The following DCLK1 variants were observed in gnomAD, a reference collection of about 807,000 sequenced individuals.
The protein encoded by DCLK1 is doublecortin like kinase 1, also known as serine/threonine-protein kinase DCLK1.
Under a neutral mutation model 86.2 loss-of-function variants are expected in DCLK1, and 16 were observed. The ratio of observed to expected loss-of-function variants is 0.19; its 90% CI spans 0.13 to 0.28. The LOEUF is 0.28. DCLK1 is among the 10% of genes least tolerant of loss of function. The pLI, the probability that DCLK1 is intolerant of heterozygous loss-of-function variation, is 1.00. For missense variants in DCLK1, 590 were observed against 940.2 expected (o/e 0.63, Z 4.87); for synonymous variants, 369 against 370.5 (o/e 1.00, Z 0.05).
intron 3 of DCLK1, among the ~76,000 whole-genome samples, chr13:36,006,501 G>C (rs951742993): frequency 2.0e-5 from 3 of 152,208 alleles, no homozygotes; most frequent in Non-Finnish European, 4.4e-5. Flanking sequence ...AGCAATTCAA[G>C]GCCCTCTTGT....
rs1374354517 is a variant in DCLK1 at position 35,810,873 on chromosome 13, G to A, written c.1650C>T (p.Thr550=). 4 of 1,613,814 alleles carry A rather than the reference G, an allele frequency of 2.5e-6. No individual in the cohort carries two copies. Among genetic ancestry groups the A allele is most frequent in the Admixed American group, 1.7e-5 (1 of 59,962 alleles). ...TGATTTCTGGAGCCACGTATGTTGGGGTGCCACAGACTGTGTACAGGGGGC... is the reference window on the plus strand; with the variant it reads ...TGATTTCTGGAGCCACGTATGTTGGAGTGCCACAGACTGTGTACAGGGGGC... ...VDGPLYTVCG[T]PTYVAPEIIA... is the part of the protein sequence containing the mutation. Residue 550 remains threonine, a synonymous_variant, in exon 12 of 17, where the codon ACC becomes ACT. Transcript: ENST00000360631.
chr13:35,844,780 G>A (rs888803536), intron 6 of DCLK1, among the ~76,000 whole-genome samples: 1 of 152,158 alleles, frequency 6.6e-6, no homozygotes, highest in Non-Finnish European at 1.5e-5. Flanking sequence ...TCCTTCCAAT[G>A]ATTATTGCTA....
Position 35,770,611 on chromosome 13 carries a change from T to C in DCLK1, c.*3924A>G, listed in dbSNP as rs532897828. On this transcript the variant is annotated 3_prime_UTR_variant, in exon 17 of 17. Transcript: ENST00000360631. ...CTGACCAACTTCAAGTCTTTTAAAA[T>C]CTTTGGGCAAAAAAAAATATCATGT... The C allele has an allele frequency of 6.6e-6, 1 of 151,702 alleles. No individual in the cohort carries two copies. The highest frequency in any genetic ancestry group is 2.0e-4 in the East Asian group (1 of 5,050). The allele number at this position is 151,702 out of a possible 1,614,324, so 9.4% of individuals were successfully genotyped here. A position where few individuals can be genotyped will look rare whatever the true frequency, so the allele number is the denominator to read the frequency against.
At chr13:35,944,854 G>T (rs953952863) in intron 4 of DCLK1, among the ~76,000 whole-genome samples, 2 of 152,050 alleles carry the variant, frequency 1.3e-5, no homozygotes, top group Non-Finnish European at 2.9e-5. Flanking sequence ...GTGAGCCCTT[G>T]TGTGCATATC....
chr13:35,832,701 A>G (rs912641385), intron 8 of DCLK1, among the ~76,000 whole-genome samples: 2 of 152,184 alleles, frequency 1.3e-5, no homozygotes, highest in Non-Finnish European at 2.9e-5. Flanking sequence ...ACAAAGCCCA[A>G]TCTCAGCCTC....
rs1284751047 is a variant in DCLK1, at chr13:35,831,871, CA to C, written c.1230-3565del. On this transcript the variant is annotated intron_variant, in intron 8 of 16. Coordinates refer to ENST00000360631, the MANE Select transcript of DCLK1 (RefSeq NM_001330071.2). ...AAATTTTACAAACTTTAATTAAATCCAACTTTTGGTGTTTGTGCTAAAAATG... is the reference window on the plus strand; with the variant it reads ...AAATTTTACAAACTTTAATTAAATCCACTTTTGGTGTTTGTGCTAAAAATG... Among the ~76,000 whole-genome samples, 5 of 152,210 alleles carry C rather than the reference CA, an allele frequency of 3.3e-5. No individual in the cohort carries two copies. The East Asian group carries it at 9.7e-4, about 29-fold the overall frequency.
chr13:36,011,033 T>C (rs1243824270), intron 3 of DCLK1, among the ~76,000 whole-genome samples: 12 of 26,598 alleles, frequency 4.5e-4, no homozygotes, highest in South Asian at 1.8e-3. Flanking sequence ...TGTAGTATTC[T>C]CTGATGGTAG....
chr13:36,045,358 A>G (rs1163985779), intron 3 of DCLK1, among the ~76,000 whole-genome samples: 2 of 127,058 alleles, frequency 1.6e-5, no homozygotes, highest in African/African-American at 6.0e-5. Flanking sequence ...ATATATATAT[A>G]TATATATATA....
At chr13:35,853,797 T>G (rs1870840565) in intron 6 of DCLK1, among the ~76,000 whole-genome samples, 2 of 152,110 alleles carry the variant, frequency 1.3e-5, no homozygotes, top group African/African-American at 4.8e-5. Flanking sequence ...CCTCCCCCTT[T>G]GCCCCCTTCC....
chr13:36,018,761 T>C (rs79332781), intron 3 of DCLK1, among the ~76,000 whole-genome samples: 1,964 of 152,308 alleles, frequency 0.013, 36 homozygotes, highest in African/African-American at 0.045. Flanking sequence ...AGTGTATCCC[T>C]TTCTCATTCA....
intron 3 of DCLK1, among the ~76,000 whole-genome samples, chr13:36,064,085 C>A (rs750723740): frequency 3.9e-5 from 6 of 152,154 alleles, no homozygotes; most frequent in Non-Finnish European, 8.8e-5. Flanking sequence ...CACTGGGAAG[C>A]GCCTCACAGT....
At chr13:36,025,965 T>TG (rs1479245660) in intron 3 of DCLK1, among the ~76,000 whole-genome samples, 1 of 152,014 alleles carries the variant, frequency 6.6e-6, no homozygotes, top group Non-Finnish European at 1.5e-5. Context: ...ATGGTCATGG[T>TG]GGGGGGAGAG....
chr13:35,841,788 T>C (rs1869812161), intron 6 of DCLK1, among the ~76,000 whole-genome samples: 1 of 152,202 alleles, frequency 6.6e-6, no homozygotes, highest in Non-Finnish European at 1.5e-5. Flanking sequence ...TCTAATAGTA[T>C]TATCTCTTTT....
At chr13:35,982,457 A>C (rs1336922848) in intron 3 of DCLK1, among the ~76,000 whole-genome samples, 1 of 14,926 alleles carries the variant, frequency 6.7e-5, no homozygotes, top group Non-Finnish European at 1.3e-4. Context: ...GGAGGGAGGG[A>C]GGGAGGGAGG....
intron 3 of DCLK1, among the ~76,000 whole-genome samples, chr13:36,098,090 T>G (rs1353444447): frequency 6.6e-6 from 1 of 152,142 alleles, no homozygotes; most frequent in Non-Finnish European, 1.5e-5. Flanking sequence ...TGGCATACGG[T>G]AAACATTCAA....
intron 3 of DCLK1, among the ~76,000 whole-genome samples, chr13:36,102,592 A>G (rs1418576971): frequency 6.6e-6 from 1 of 152,186 alleles, no homozygotes; most frequent in Non-Finnish European, 1.5e-5. Flanking sequence ...CTCAGGGAGG[A>G]ACTCATAAAG....
At chr13:35,896,159 C>T (rs1175343497) in intron 4 of DCLK1, among the ~76,000 whole-genome samples, 1 of 152,096 alleles carries the variant, frequency 6.6e-6, no homozygotes, top group Non-Finnish European at 1.5e-5. Context: ...GTAAGATTTG[C>T]TGTTAGAACA....
At chr13:36,019,499 T>C (rs1881679514) in intron 3 of DCLK1, among the ~76,000 whole-genome samples, 9 of 152,232 alleles carry the variant, frequency 5.9e-5, no homozygotes, top group Admixed American at 5.9e-4. Flanking sequence ...TATACATCAC[T>C]AATGTATGCA....
chr13:36,126,275 G>T, intron 1 of DCLK1, 119 bp from the exon 2 acceptor site: 1 of 800,766 alleles, frequency 1.2e-6, no homozygotes, highest in Non-Finnish European at 1.7e-6. Context: ...TCACCGGGCT[G>T]CAGTGAGATG....
Sources: allele counts gnomAD v4.1 joint callset (sites outside exome capture counted in the v4.1 genomes callset), GRCh38; gene constraint gnomAD v4.1.1; transcripts MANE v1.5; gene names NCBI Gene and HGNC (gene_info 2026-07-23, HGNC 2026-07-21).